Variants in TPO observed in about 807,000 individuals in gnomAD.
The protein encoded by TPO is thyroid peroxidase.
A neutral mutation model predicts 96.9 loss-of-function variants in TPO; 78 were observed. The observed-to-expected ratio is 0.81, with a 90% CI of 0.67 to 0.97. TPO has a LOEUF of 0.97. Ranked by LOEUF, TPO falls within the 50% of genes least tolerant of loss-of-function variation. TPO has a pLI of 0.00. For synonymous variants in TPO, 547 were observed against 538.0 expected (o/e 1.02, Z -0.23); for missense variants, 1,252 against 1,274.8 (o/e 0.98, Z 0.27).
chr2:1,490,905 C>T (rs1030964507), intron 10 of TPO, among the ~76,000 whole-genome samples: 5 of 152,202 alleles, frequency 3.3e-5, no homozygotes, highest in African/African-American at 1.2e-4. Context: ...GGCACAGTGG[C>T]TCACGCCTGT....
chr2:1,425,994 T>A (rs1055056648), intron 3 of TPO, among the ~76,000 whole-genome samples: 1 of 148,286 alleles, frequency 6.7e-6, no homozygotes, highest in Non-Finnish European at 1.5e-5. Context: ...TTGTTCTAGA[T>A]GCCAGGATAC....
At chr2:1,391,160 T>C (rs956287910) in intron 1 of TPO, among the ~76,000 whole-genome samples, 1 of 152,250 alleles carries the variant, frequency 6.6e-6, no homozygotes, top group African/African-American at 2.4e-5. Flanking sequence ...TTCTATGGTT[T>C]TAGGTCTCAC....
At chr2:1,499,850 C>A (rs758107231) in intron 13 of TPO, among the ~76,000 whole-genome samples, 1 of 152,210 alleles carries the variant, frequency 6.6e-6, no homozygotes, top group African/African-American at 2.4e-5. Flanking sequence ...AATTGCTGAG[C>A]CTCTGTGTGC....
rs549708479 is a variant in TPO, at chr2:1,380,262, C to T, written n.180+5860C>T. Among the ~76,000 whole-genome samples, 310 of 151,824 alleles carry T rather than the reference C, an allele frequency of 2.0e-3. 1 individual carries two copies. The highest frequency in any genetic ancestry group is 2.7e-3 in the Admixed American group (41 of 15,246). On this transcript the variant is annotated intron_variant and non_coding_transcript_variant, in intron 1 of 5. Transcript: ENST00000497517. ...ACAAAAAATTAGCAGGGCGTGGTGG[C>T]GGGCGCCTGTAGTCCCAGCTACTCG...
intron 1 of TPO, among the ~76,000 whole-genome samples, chr2:1,381,794 T>C (rs1661814709): frequency 6.6e-6 from 1 of 152,132 alleles, no homozygotes; most frequent in South Asian, 2.1e-4. Context: ...TACAGGACCA[T>C]GTAGTTTGGA....
At chr2:1,431,694 G>A (rs73183032) in intron 3 of TPO, among the ~76,000 whole-genome samples, 4,519 of 152,206 alleles carry the variant, frequency 0.03, 237 homozygotes, top group African/African-American at 0.1. Context: ...TATTAACTAC[G>A]GAAGGAATAC....
chr2:1,518,890 T>C (rs1255120136), intron 15 of TPO, among the ~76,000 whole-genome samples: 1 of 152,220 alleles, frequency 6.6e-6, no homozygotes, highest in Admixed American at 6.5e-5. Flanking sequence ...CGTAACCTTA[T>C]TTGGAACTAA....
chr2:1,405,665 G>A (rs540672449), intron 1 of TPO, among the ~76,000 whole-genome samples: 2 of 152,210 alleles, frequency 1.3e-5, no homozygotes, highest in East Asian at 3.9e-4. Flanking sequence ...TCACCCCCAA[G>A]ATTCTAATAG....
At chr2:1,440,444 C>A (rs1034294458) in intron 5 of TPO, among the ~76,000 whole-genome samples, 1 of 152,200 alleles carries the variant, frequency 6.6e-6, no homozygotes, top group Non-Finnish European at 1.5e-5. Flanking sequence ...AATTACTTAA[C>A]AAGTAGTGGA....
chr2:1,521,793 T>TA (rs1160745316), intron 15 of TPO, among the ~76,000 whole-genome samples: 1 of 151,944 alleles, frequency 6.6e-6, no homozygotes, highest in Non-Finnish European at 1.5e-5. Context: ...CTGCGCTCCT[T>TA]AGAGACCCAC....
intron 8 of TPO, 45 bp downstream of exon 8, chr2:1,477,649 C>T (rs1670108376): frequency 5.5e-6 from 8 of 1,441,670 alleles, no homozygotes; most frequent in Non-Finnish European, 7.2e-6. Flanking sequence ...GCGGGCAAAG[C>T]GGGGGGCGCC....
rs72776230 is a variant in TPO at position 1,468,443 on chromosome 2, G to A, written c.820-8643G>A. The stretch of plus-strand genomic sequence containing the variant: ...ATCATTTGTTTGTCTGGGAAAGATT[G>A]TTATCTTTCCTTCATTTATGAAGCT... On this transcript the variant is annotated intron_variant, in intron 7 of 16. Transcript: ENST00000329066. Among the ~76,000 whole-genome samples, 1,176 of 152,210 alleles carry A rather than the reference G, an allele frequency of 7.7e-3. 10 individuals carry two copies. The highest frequency in any genetic ancestry group is 0.013 in the Non-Finnish European group (915 of 67,988).
At chr2:1,518,619 T>C (rs1179006212) in intron 15 of TPO, among the ~76,000 whole-genome samples, 1 of 152,144 alleles carries the variant, frequency 6.6e-6, no homozygotes, top group Non-Finnish European at 1.5e-5. Flanking sequence ...GCATATGATA[T>C]TTCAGTGACG....
At chr2:1,391,516 A>G (rs991999493) in intron 1 of TPO, among the ~76,000 whole-genome samples, 1 of 152,164 alleles carries the variant, frequency 6.6e-6, no homozygotes, top group Non-Finnish European at 1.5e-5. Context: ...TTGCTTCCAT[A>G]TGAACTTTAA....
At chr2:1,409,678 C>T (rs369006813), upstream of TPO, among the ~76,000 whole-genome samples, 10 of 152,162 alleles carry the variant, frequency 6.6e-5, no homozygotes, top group African/African-American at 1.7e-4. Flanking sequence ...GGATCCAGTC[C>T]TGGCACTGTG....
intron 16 of TPO, chr2:1,541,289 C>T (rs1208678014): frequency 1.4e-5 from 11 of 804,324 alleles, no homozygotes; most frequent in African/African-American, 1.8e-5. Context: ...GAGGGCGCCT[C>T]AGGTCTGCTG....
At chr2:1,414,117 T>G (rs776986287) in intron 1 of TPO, among the ~76,000 whole-genome samples, 35 of 152,134 alleles carry the variant, frequency 2.3e-4, no homozygotes, top group Non-Finnish European at 4.6e-4. Context: ...TACCAAAAAT[T>G]TAAATAGGTT....
At chr2:1,521,371 C>T (rs577877169) in intron 15 of TPO, among the ~76,000 whole-genome samples, 7 of 152,128 alleles carry the variant, frequency 4.6e-5, no homozygotes, top group Non-Finnish European at 8.8e-5. Context: ...GATTCATAAG[C>T]GTGCTGGAGG....
chr2:1,404,726 C>A (rs1257249519), intron 1 of TPO, among the ~76,000 whole-genome samples: 2 of 152,192 alleles, frequency 1.3e-5, no homozygotes, highest in Admixed American at 1.3e-4. Context: ...ACCACCCAGT[C>A]TGTGGTACTT....
Sources: allele counts gnomAD v4.1 joint callset (sites outside exome capture counted in the v4.1 genomes callset), GRCh38; gene constraint gnomAD v4.1.1; transcripts MANE v1.5; gene names NCBI Gene and HGNC (gene_info 2026-07-23, HGNC 2026-07-21).